N4BP2: variants seen among roughly 807,000 people sequenced by gnomAD.
N4BP2 encodes the protein NEDD4-binding protein 2.
A neutral mutation model predicts 152.8 loss-of-function variants in N4BP2; 91 were observed. The observed-to-expected ratio is 0.60, with a 90% CI of 0.50 to 0.71. The LOEUF (loss-of-function observed/expected upper bound fraction) is 0.71, where lower values mean the gene tolerates loss of function less well. N4BP2 is among the 30% of genes least tolerant of loss of function. N4BP2 has a pLI of 0.00. For missense variants in N4BP2, 1,923 were observed against 2,059.1 expected (o/e 0.93, Z 1.28); for synonymous variants, 646 against 705.3 (o/e 0.92, Z 1.33).
rs550644115 is a variant in N4BP2 at position 40,113,414 on chromosome 4, T to C, written c.1588-18T>C. ...GGAAATACCTATTTTAAAATGTTTT[T>C]GTCTTTGTTGTATGTAGTCTCAGAA... On this transcript the variant is annotated intron_variant, in intron 6 of 17. Transcript: ENST00000261435. 1 of 1,537,484 alleles carries C rather than the reference T, an allele frequency of 6.5e-7. No homozygotes were observed. Among genetic ancestry groups the C allele is most frequent in the South Asian group, 1.2e-5 (1 of 86,058 alleles).
chr4:40,116,882 T>C (rs1396242088), intron 7 of N4BP2, among the ~76,000 whole-genome samples: 1 of 152,208 alleles, frequency 6.6e-6, no homozygotes, highest in Non-Finnish European at 1.5e-5. Flanking sequence ...TTGTTGAAGA[T>C]AACACTTCAC....
chr4:40,118,693 C>T (rs1717580298), intron 8 of N4BP2, among the ~76,000 whole-genome samples: 1 of 152,156 alleles, frequency 6.6e-6, no homozygotes, highest in South Asian at 2.1e-4. Context: ...CCACTCAAAT[C>T]ACTTCTTAAT....
chr4:40,071,012 A>G (rs976518901), intron 1 of N4BP2, among the ~76,000 whole-genome samples: 2 of 151,788 alleles, frequency 1.3e-5, no homozygotes, highest in African/African-American at 2.4e-5. Context: ...TTTAGTGGAG[A>G]CGGGGTTTCA....
chr4:40,111,063 G>A (rs1716832234), intron 5 of N4BP2, among the ~76,000 whole-genome samples: 1 of 152,040 alleles, frequency 6.6e-6, no homozygotes, highest in African/African-American at 2.4e-5. Context: ...CATTGTGTGT[G>A]TGTATATTTG....
At chr4:40,123,572 AACTACTGGGCACAT>A (rs1356619231) in intron 10 of N4BP2, among the ~76,000 whole-genome samples, 3 of 151,940 alleles carry the variant, frequency 2.0e-5, no homozygotes. Context: ...TGCAGCCTTG[AACTACTGGGCACAT>A]GATCCTCCTG....
intron 2 of N4BP2, among the ~76,000 whole-genome samples, chr4:40,091,602 C>T (rs1579000377): frequency 2.2e-4 from 18 of 80,468 alleles, no homozygotes; most frequent in East Asian, 6.1e-4. Flanking sequence ...GTATACAATC[C>T]TTTTTTTTTT....
intron 12 of N4BP2, among the ~76,000 whole-genome samples, chr4:40,129,005 C>G (rs1718670101): frequency 6.6e-6 from 1 of 152,140 alleles, no homozygotes; most frequent in Non-Finnish European, 1.5e-5. Flanking sequence ...TTTGACTTCA[C>G]AACTTACTCC....
At chr4:40,159,509 TCTAA>T (rs1257469752), downstream of N4BP2, among the ~76,000 whole-genome samples, 3 of 152,142 alleles carry the variant, frequency 2.0e-5, no homozygotes, top group African/African-American at 7.2e-5. Flanking sequence ...TGGCTACATC[TCTAA>T]CTGTCACATC....
chr4:40,099,409 A>C (rs918147207), intron 3 of N4BP2, among the ~76,000 whole-genome samples: 2 of 146,576 alleles, frequency 1.4e-5, no homozygotes, highest in Non-Finnish European at 3.0e-5. Flanking sequence ...TGCCTGGCTA[A>C]TTTTTTTTTT....
intron 15 of N4BP2, among the ~76,000 whole-genome samples, chr4:40,143,084 A>G (rs1720190816): frequency 1.3e-5 from 2 of 152,054 alleles, no homozygotes; most frequent in Admixed American, 1.3e-4. Flanking sequence ...TTGCTTTTGC[A>G]TTTACTGCTT....
the N4BP2 span, among the ~76,000 whole-genome samples, chr4:40,179,934 T>C: frequency 6.6e-6 from 1 of 151,980 alleles, no homozygotes; most frequent in East Asian, 1.9e-4. Context: ...CCGGCTACTT[T>C]TGTATTTTTA....
chr4:40,097,623 C>T (rs1323084576), intron 3 of N4BP2, 54 bp downstream of exon 3: 4 of 1,014,180 alleles, frequency 3.9e-6, no homozygotes, highest in African/African-American at 1.6e-5. Flanking sequence ...ACTTTGTGTA[C>T]TATGCCATGA....
intron 2 of N4BP2, among the ~76,000 whole-genome samples, chr4:40,093,957 TC>T (rs1340935207): frequency 4.6e-5 from 7 of 152,072 alleles, no homozygotes. Flanking sequence ...ATGGTCTTGA[TC>T]TCCTGAGCTC....
At chr4:40,080,381 GCT>G (rs35397085) in intron 2 of N4BP2, among the ~76,000 whole-genome samples, 14,224 of 148,568 alleles carry the variant, frequency 0.096, 1,215 homozygotes, top group East Asian at 0.42. Context: ...GTGGAGTCTT[GCT>G]CTGTTGCCAG....
intron 1 of N4BP2, among the ~76,000 whole-genome samples, chr4:40,072,727 G>T (rs1712330882): frequency 6.7e-6 from 1 of 150,036 alleles, no homozygotes; most frequent in Non-Finnish European, 1.5e-5. Flanking sequence ...ATTTTTGTGG[G>T]ACTTTTTTTT....
intron 5 of N4BP2, among the ~76,000 whole-genome samples, chr4:40,110,661 C>T (rs1200009363): frequency 1.3e-5 from 2 of 152,160 alleles, no homozygotes; most frequent in African/African-American, 4.8e-5. Context: ...CCTCAGCCTC[C>T]TGAGTAGCTG....
At chr4:40,124,598 T>C (rs1718226163) in intron 11 of N4BP2, among the ~76,000 whole-genome samples, 1 of 152,112 alleles carries the variant, frequency 6.6e-6, no homozygotes, top group Non-Finnish European at 1.5e-5. Context: ...CTGCCCACCT[T>C]GGCCTCCCAA....
intron 8 of N4BP2, 77 bp from the exon 9 acceptor site, chr4:40,119,855 T>G (rs1221938450): frequency 3.0e-6 from 2 of 675,174 alleles, no homozygotes; most frequent in Non-Finnish European, 5.0e-6. Context: ...CCCTGTCAAT[T>G]AATGCTTCTT....
At chr4:40,095,109 G>C (rs1714990650) in intron 2 of N4BP2, among the ~76,000 whole-genome samples, 2 of 151,280 alleles carry the variant, frequency 1.3e-5, no homozygotes, top group South Asian at 4.2e-4. Flanking sequence ...TTGAGATGGA[G>C]TTTTGCTCTT....
Sources: gnomAD v4.1 joint callset for allele counts (sites outside exome capture counted in the v4.1 genomes callset) on GRCh38, gnomAD v4.1.1 for gene constraint, MANE v1.5 for transcripts, NCBI Gene and HGNC (gene_info 2026-07-23, HGNC 2026-07-21) for gene names.